RPS10: variants seen among roughly 807,000 people sequenced by gnomAD.
RPS10 encodes the protein ribosomal protein S10, also known as small ribosomal subunit protein eS10.
A neutral mutation model predicts 22.6 loss-of-function variants in RPS10; 2 were observed. That is an observed-to-expected ratio of 0.09 (90% CI 0.04 to 0.28). The LOEUF (loss-of-function observed/expected upper bound fraction) is 0.28, where lower values mean the gene tolerates loss of function less well. Ranked by LOEUF, RPS10 falls within the 10% of genes least tolerant of loss-of-function variation. RPS10 has a pLI of 1.00. For synonymous variants in RPS10, 70 were observed against 75.9 expected, an observed-to-expected ratio of 0.92 and a Z score of 0.40; for missense variants, 137 against 222.2, an observed-to-expected ratio of 0.62 and a Z score of 2.44.
At chr6:34,418,130 CAG>C (rs1448272777) in intron 5 of RPS10, 9 of 1,440,792 alleles carry the variant, frequency 6.2e-6, no homozygotes, top group Non-Finnish European at 7.3e-6. Flanking sequence ...ATTAATGAAA[CAG>C]AAAATACTAG....
chr6:34,422,650 G>A (rs1351705240), intron 3 of RPS10, among the ~76,000 whole-genome samples: 6 of 151,708 alleles, frequency 4.0e-5, no homozygotes, highest in Non-Finnish European at 8.8e-5. Flanking sequence ...GTAGAGACAG[G>A]GTTTTACCAT....
rs574588356 is a variant in RPS10 at position 34,420,926 on chromosome 6, T to C, written c.400+804A>G. 2.0e-5 allele frequency among the ~76,000 whole-genome samples: 3 copies of C among 151,136 alleles called. No homozygotes were observed. The South Asian group carries it at 6.3e-4, about 32-fold the overall frequency. On this transcript the variant is annotated intron_variant, in intron 4 of 5. Transcript: ENST00000648437. ...GGGAGGCTGAGGCAGGAGAGTGGCG[T>C]GAACCCAGGAGGCAGAGCTTGCAGT...
rs563866036 is a variant in RPS10, at chr6:34,422,354, A to G, written c.323-547T>C. ...TTGTGAGACGGAGTCTCACTCTGTC[A>G]CCCAGGTTGGAGTGCAGTGGCGCGA... On this transcript the variant is annotated intron_variant, in intron 3 of 5. Transcript: ENST00000648437. Among the ~76,000 whole-genome samples the G allele has an allele frequency of 3.9e-5, 6 of 152,236 alleles. No homozygotes were observed. The East Asian group carries it at 7.7e-4, about 20-fold the overall frequency.
intron 4 of RPS10, among the ~76,000 whole-genome samples, chr6:34,419,520 T>C (rs910053180): frequency 6.6e-6 from 1 of 152,226 alleles, no homozygotes; most frequent in Non-Finnish European, 1.5e-5. Flanking sequence ...TTTATACTGA[T>C]TACATGTTAA....
At position 34,422,019 on chromosome 6, in the gene RPS10, GA is replaced by G. The variant is rs34411335; in HGVS notation, c.323-213del. On this transcript the variant is annotated intron_variant, in intron 3 of 5. Coordinates refer to ENST00000648437, the MANE Select transcript of RPS10 (RefSeq NM_001014.5). ...TATTGACAATCTTGGCTGCAAATCTGAAAAAAAAAAAAAAGGCTTCCATTTT... is the reference window on the plus strand; with the variant it reads ...TATTGACAATCTTGGCTGCAAATCTGAAAAAAAAAAAAAGGCTTCCATTTT... 0.24 allele frequency among the ~76,000 whole-genome samples: 31,239 copies of G among 128,916 alleles called. 4,959 individuals are homozygous for G. Among genetic ancestry groups the G allele is most frequent in the East Asian group, 0.49 (2,355 of 4,806 alleles). The allele number at this position is 128,916 out of a possible 152,430, so 84.6% of individuals were successfully genotyped here.
intron 4 of RPS10, among the ~76,000 whole-genome samples, chr6:34,421,023 A>T (rs951274215): frequency 1.3e-4 from 16 of 119,748 alleles, no homozygotes; most frequent in African/African-American, 2.8e-4. Flanking sequence ...AAAGAAAATT[A>T]AAAAAAAAAA....
At chr6:34,425,250 A>G (rs1765915301) in intron 1 of RPS10, 29 bp from the exon 2 acceptor site, 1 of 1,586,014 alleles carries the variant, frequency 6.3e-7, no homozygotes, top group African/African-American at 1.3e-5. Context: ...TGTCAAGAGC[A>G]CTTCTGAGTA....
intron 4 of RPS10, among the ~76,000 whole-genome samples, chr6:34,420,944 C>A (rs1581926153): frequency 1.3e-5 from 2 of 150,984 alleles, no homozygotes; most frequent in African/African-American, 4.9e-5. Context: ...GGAGGCAGAG[C>A]TTGCAGTGAG....
Position 34,417,615 on chromosome 6 carries a change from C to T in RPS10, c.457-68G>A, listed in dbSNP as rs144732838. On this transcript the variant is annotated intron_variant, in intron 5 of 5. Transcript: ENST00000648437. Reference sequence around the variant, plus strand: ...GTTTGATCTTTGGAGGTTTTGCTAACTTTCAGGCCTCATTATAACTCCAGA... The same window carrying T: ...GTTTGATCTTTGGAGGTTTTGCTAATTTTCAGGCCTCATTATAACTCCAGA... The T allele has an allele frequency of 3.3e-6, 5 of 1,511,860 alleles. No individual in the cohort carries two copies. In the African/African-American group the frequency reaches 5.5e-5, roughly 17 times the overall value. The allele number at this position is 1,511,860 out of a possible 1,614,324, so 93.7% of individuals were successfully genotyped here. A position where few individuals can be genotyped will look rare whatever the true frequency, so the allele number is the denominator to read the frequency against.
At position 34,424,703 on chromosome 6, in the gene RPS10, ACGG is replaced by A. The variant is rs755347678; in HGVS notation, c.285_287del (p.Arg96del). ...GAGGCCTGCCAGTCTCTGGACGGCT[ACGG>A]CGTAGGGTGGCAGGCACAATCTCCG... On this transcript the variant is annotated inframe_deletion, in exon 3 of 6. Coordinates refer to ENST00000648437, the MANE Select transcript of RPS10 (RefSeq NM_001014.5). 6.2e-7 allele frequency: 1 copy of A among 1,614,186 alleles called. No homozygotes were observed. The highest frequency in any genetic ancestry group is 8.5e-7 in the Non-Finnish European group (1 of 1,180,036).
intron 4 of RPS10, 37 bp from the exon 5 acceptor site, chr6:34,418,461 A>T (rs747013389): frequency 6.2e-7 from 1 of 1,614,068 alleles, no homozygotes. Flanking sequence ...TCATCATATG[A>T]TCTAATCTAC....
chr6:34,421,097 GTT>G (rs554380258), intron 4 of RPS10, among the ~76,000 whole-genome samples: 1,979 of 131,996 alleles, frequency 0.015, 43 homozygotes, highest in African/African-American at 0.05. Flanking sequence ...TACCGAAGAG[GTT>G]TTTTTTTTTT....
At chr6:34,425,040 GATCC>G in intron 2 of RPS10, 28 bp downstream of exon 2, 2 of 1,611,654 alleles carry the variant, frequency 1.2e-6, no homozygotes, top group East Asian at 2.2e-5. Flanking sequence ...CGGGGAGGAA[GATCC>G]ATCCCATCTT....
intron 4 of RPS10, among the ~76,000 whole-genome samples, chr6:34,418,748 GAACT>G (rs903303625): frequency 7.9e-5 from 12 of 152,048 alleles, no homozygotes; most frequent in Admixed American, 2.6e-4. Context: ...AATTATGGAA[GAACT>G]AACATGTAAA....
intron 4 of RPS10, among the ~76,000 whole-genome samples, chr6:34,421,022 T>TAA (rs751404903): frequency 9.6e-5 from 11 of 115,168 alleles, no homozygotes; most frequent in South Asian, 5.4e-4. Context: ...GAAAGAAAAT[T>TAA]AAAAAAAAAA....
At chr6:34,420,396 A>G (rs186432304) in intron 4 of RPS10, among the ~76,000 whole-genome samples, 88 of 151,880 alleles carry the variant, frequency 5.8e-4, no homozygotes, top group African/African-American at 1.9e-3. Context: ...CTAATTTTTT[A>G]AAGTAGAGAT....
At chr6:34,420,711 G>T (rs905639201) in intron 4 of RPS10, among the ~76,000 whole-genome samples, 1 of 151,982 alleles carries the variant, frequency 6.6e-6, no homozygotes, top group Admixed American at 6.6e-5. Flanking sequence ...AATCAACAAC[G>T]AGTGACTTTA....
At chr6:34,425,331 G>A in intron 1 of RPS10, 110 bp from the exon 2 acceptor site, 2 of 1,413,560 alleles carry the variant, frequency 1.4e-6, no homozygotes, top group Non-Finnish European at 9.7e-7. Context: ...ACAACATGCT[G>A]GTGGGAAGAC....
chr6:34,424,660 G>C lies in RPS10; in HGVS notation c.322+9C>G. The C allele has an allele frequency of 6.2e-7, 1 of 1,614,000 alleles. No individual in the cohort carries two copies. Among genetic ancestry groups the C allele is most frequent in the South Asian group, 1.1e-5 (1 of 91,052 alleles). On this transcript the variant is annotated intron_variant, in intron 3 of 5. Coordinates refer to ENST00000648437, the MANE Select transcript of RPS10 (RefSeq NM_001014.5). The stretch of plus-strand genomic sequence containing the variant: ...CAAATAGCTGAAGGGATTTGTGTGG[G>C]AACCATACCTTTAGGCCGAGGCCTG...
Sources: gnomAD v4.1 joint callset for allele counts (sites outside exome capture counted in the v4.1 genomes callset) on GRCh38, gnomAD v4.1.1 for gene constraint, MANE v1.5 for transcripts, NCBI Gene and HGNC (gene_info 2026-07-23, HGNC 2026-07-21) for gene names.